KCNQ3: variants seen among roughly 807,000 people sequenced by gnomAD.
The protein encoded by KCNQ3 is potassium voltage-gated channel subfamily Q member 3.
In KCNQ3, 30 loss-of-function variants were observed where a neutral mutation model predicts 92.5. The ratio of observed to expected loss-of-function variants is 0.32; its 90% confidence interval spans 0.24 to 0.44. The LOEUF is 0.44. Ranked by LOEUF, KCNQ3 falls within the 20% of genes least tolerant of loss-of-function variation. The probability of loss-of-function intolerance (pLI) is 1.00; values close to 1 mark genes in which losing one functional copy is unlikely to be tolerated. For missense variants in KCNQ3, 913 were observed against 1,140.3 expected (o/e 0.80, Z 2.87); for synonymous variants, 450 against 468.8 (o/e 0.96, Z 0.52).
rs1563925925 is a variant in KCNQ3, at chr8:132,480,400, GC to G, written c.132del (p.Leu45TrpfsTer49). 1 of 1,539,128 alleles carries G rather than the reference GC, an allele frequency of 6.5e-7. No individual in the cohort carries two copies. Among genetic ancestry groups the G allele is most frequent in the Non-Finnish European group, 8.7e-7 (1 of 1,151,296 alleles). On this transcript the variant is annotated frameshift_variant, in exon 1 of 15. Transcript: ENST00000388996. LOFTEE classifies it high-confidence loss of function. ...AAAGDEERKVGLAPGDVEQVT... is the reference protein window; with the variant it reads ...AAAGDEERKVXLAPGDVEQVT... ...ACTTGCTCCACGTCGCCGGGCGCCA[GC>G]CCCACTTTCCGCTCCTCGTCGCCGG...
chr8:132,308,602 G>T (rs1343772667), intron 1 of KCNQ3, among the ~76,000 whole-genome samples: 1 of 152,176 alleles, frequency 6.6e-6, no homozygotes, highest in Non-Finnish European at 1.5e-5. Context: ...TTCAATGGCT[G>T]CATGCGTTTG....
At position 132,447,013 on chromosome 8, in the gene KCNQ3, G is replaced by C. The variant is rs777889248; in HGVS notation, c.386+33134C>G. Among the ~76,000 whole-genome samples the C allele has an allele frequency of 6.7e-4, 102 of 152,184 alleles. 2 individuals carry two copies. Among genetic ancestry groups the C allele is most frequent in the Admixed American group, 5.9e-4 (9 of 15,282 alleles). On this transcript the variant is annotated intron_variant, in intron 1 of 14. Coordinates refer to ENST00000388996, the MANE Select transcript of KCNQ3 (RefSeq NM_004519.4). ...TGTCCAATTCATCTCATTACCATTA[G>C]GGTAGCTTCCTGTTCAATCCCACAA... is the stretch of plus-strand genomic sequence containing the variant.
At chr8:132,395,817 G>A (rs1457800987) in intron 1 of KCNQ3, among the ~76,000 whole-genome samples, 2 of 152,194 alleles carry the variant, frequency 1.3e-5, no homozygotes, top group African/African-American at 2.4e-5. Flanking sequence ...TTACCCAATG[G>A]CATCTCCTAG....
chr8:132,143,255 C>T (rs1281327493), intron 9 of KCNQ3, among the ~76,000 whole-genome samples: 2 of 151,988 alleles, frequency 1.3e-5, no homozygotes, highest in African/African-American at 4.8e-5. Flanking sequence ...GAATTGCTTT[C>T]CTGGCTGCTA....
intron 1 of KCNQ3, among the ~76,000 whole-genome samples, chr8:132,288,140 A>G (rs1019495620): frequency 2.6e-5 from 4 of 152,144 alleles, no homozygotes; most frequent in Admixed American, 6.5e-5. Flanking sequence ...ATTTTGTGTT[A>G]CTCCTTTAGG....
rs1389723495 is a variant in KCNQ3 at position 132,333,256 on chromosome 8, T to A, written c.386+146891A>T. 3.9e-5 allele frequency among the ~76,000 whole-genome samples: 6 copies of A among 152,202 alleles called. No individual in the cohort carries two copies. The East Asian group carries it at 1.2e-3, about 29-fold the overall frequency. ...CCCCTCTAAGTCCTGCAGGTACAAG[T>A]GTCATGACTTCAGTGGTAAGAAAGT... On this transcript the variant is annotated intron_variant, in intron 1 of 14. Coordinates refer to ENST00000388996, the MANE Select transcript of KCNQ3 (RefSeq NM_004519.4).
chr8:132,130,113 C>CA (rs935562838), intron 14 of KCNQ3, 117 bp from the exon 15 acceptor site: 2 of 1,198,284 alleles, frequency 1.7e-6, no homozygotes, highest in African/African-American at 3.4e-5. Context: ...GACGAAGTCT[C>CA]AGTCTGTCAC....
At chr8:132,395,069 T>A (rs1319432611) in intron 1 of KCNQ3, among the ~76,000 whole-genome samples, 1 of 152,236 alleles carries the variant, frequency 6.6e-6, no homozygotes, top group African/African-American at 2.4e-5. Context: ...GGTGCTTCAT[T>A]ACTGTTCCCT....
Position 132,124,605 on chromosome 8 carries a change from G to T in KCNQ3, c.*4657C>A, listed in dbSNP as rs1728389287. 6.6e-6 allele frequency: 1 copy of T among 152,238 alleles called. No homozygotes were observed. The highest frequency in any genetic ancestry group is 6.5e-5 in the Admixed American group (1 of 15,290). 9.4% of individuals were successfully genotyped at this position (152,238 alleles called of 1,614,324 possible). On this transcript the variant is annotated 3_prime_UTR_variant, in exon 15 of 15. Coordinates refer to ENST00000388996, the MANE Select transcript of KCNQ3 (RefSeq NM_004519.4). ...CATGTTCTAAACTGGGCATTAGTGA[G>T]GGGCTGCCTGCTGGCTTGTTTAGGG...
chr8:132,414,846 A>G (rs117192471), intron 1 of KCNQ3, among the ~76,000 whole-genome samples: 3,207 of 152,362 alleles, frequency 0.021, 40 homozygotes, highest in Non-Finnish European at 0.032. Flanking sequence ...CATGACAGCA[A>G]AACCGAAATA....
chr8:132,223,679 G>A (rs138098756), intron 1 of KCNQ3, among the ~76,000 whole-genome samples: 4 of 152,160 alleles, frequency 2.6e-5, no homozygotes, highest in East Asian at 1.9e-4. Context: ...ACTCCCTTAC[G>A]GGGCCATATA....
chr8:132,408,378 T>C (rs1173632424), intron 1 of KCNQ3, among the ~76,000 whole-genome samples: 1 of 152,142 alleles, frequency 6.6e-6, no homozygotes, highest in Non-Finnish European at 1.5e-5. Context: ...GTGCACGCTC[T>C]GGTCTTCTAG....
At chr8:132,230,445 G>GAC (rs1814601616) in intron 1 of KCNQ3, among the ~76,000 whole-genome samples, 1 of 113,132 alleles carries the variant, frequency 8.8e-6, no homozygotes, top group African/African-American at 4.0e-5. Flanking sequence ...GAGAGAGAGA[G>GAC]AGACAGAGAG....
chr8:132,231,082 G>T (rs555151360), intron 1 of KCNQ3, among the ~76,000 whole-genome samples: 18 of 152,250 alleles, frequency 1.2e-4, no homozygotes, highest in Non-Finnish European at 2.2e-4. Flanking sequence ...ATGGCCATGC[G>T]ACCAGAATGA....
chr8:132,128,298 G>A lies in KCNQ3; in HGVS notation c.*964C>T, dbSNP rs957774248. ...TAAGATTCTTCATTTATAAAAGGAA[G>A]TCCTTGGACTAGAAAATTTCTGTGT... On this transcript the variant is annotated 3_prime_UTR_variant, in exon 15 of 15. Transcript: ENST00000388996. The A allele has an allele frequency of 1.3e-5, 2 of 152,178 alleles. No homozygotes were observed. The highest frequency in any genetic ancestry group is 2.9e-5 in the Non-Finnish European group (2 of 68,036). The allele number at this position is 152,178 out of a possible 1,614,324, so 9.4% of individuals were successfully genotyped here.
At chr8:132,449,770 G>T (rs1563916468) in intron 1 of KCNQ3, among the ~76,000 whole-genome samples, 1 of 152,148 alleles carries the variant, frequency 6.6e-6, no homozygotes, top group Admixed American at 6.5e-5. Flanking sequence ...GCTACATGTG[G>T]GAGGCAAGGA....
intron 1 of KCNQ3, among the ~76,000 whole-genome samples, chr8:132,437,716 T>C (rs1821432160): frequency 6.6e-6 from 1 of 152,202 alleles, no homozygotes; most frequent in Non-Finnish European, 1.5e-5. Context: ...TCTAGGTTGC[T>C]TGGGAGAGAT....
In KCNQ3 at chr8:132,227,731, T is replaced by C. The variant is rs1032467552; in HGVS notation, c.387-41550A>G. 4.6e-5 allele frequency among the ~76,000 whole-genome samples: 7 copies of C among 152,150 alleles called. No individual in the cohort carries two copies. The East Asian group carries it at 1.3e-3, about 29-fold the overall frequency. ...GGAAAAATCCATAGTCCATCTCAGT[T>C]CCTCATTTGTTCTGTTCTTGCACTT... On this transcript the variant is annotated intron_variant, in intron 1 of 14. Transcript: ENST00000388996.
chr8:132,276,341 T>C (rs1003559967), intron 1 of KCNQ3, among the ~76,000 whole-genome samples: 4 of 152,052 alleles, frequency 2.6e-5, no homozygotes, highest in African/African-American at 9.7e-5. Flanking sequence ...GTGTAAGTAA[T>C]GCAGGAGAAT....
Sources: gnomAD v4.1 joint callset for allele counts (sites outside exome capture counted in the v4.1 genomes callset) on GRCh38, gnomAD v4.1.1 for gene constraint, MANE v1.5 for transcripts, NCBI Gene and HGNC (gene_info 2026-07-23, HGNC 2026-07-21) for gene names.